Variants in LRMDA observed in about 807,000 individuals in gnomAD.
The protein encoded by LRMDA is leucine rich melanocyte differentiation associated, also known as leucine-rich melanocyte differentiation-associated protein.
A neutral mutation model predicts 29.8 loss-of-function variants in LRMDA; 18 were observed. The observed-to-expected ratio is 0.60, with a 90% CI of 0.42 to 0.90. The LOEUF (loss-of-function observed/expected upper bound fraction) is 0.90. Ranked by LOEUF, LRMDA falls within the 40% of genes least tolerant of loss-of-function variation. The pLI is 0.00. For synonymous variants in LRMDA, 125 were observed against 109.4 expected (o/e 1.14, Z -0.89); for missense variants, 273 against 273.9 (o/e 1.00, Z 0.02).
At chr10:75,717,281 TG>T (rs146542959) in intron 2 of LRMDA, among the ~76,000 whole-genome samples, 3,009 of 152,318 alleles carry the variant, frequency 0.02, 93 homozygotes, top group African/African-American at 0.068. Flanking sequence ...ATTGTAAATC[TG>T]CAGTCATACC....
intron 5 of LRMDA, among the ~76,000 whole-genome samples, chr10:76,205,379 G>C (rs1266867233): frequency 1.3e-5 from 2 of 152,144 alleles, no homozygotes; most frequent in Admixed American, 1.3e-4. Context: ...AATTTTGTTT[G>C]ATCCCAAGTT....
intron 2 of LRMDA, among the ~76,000 whole-genome samples, chr10:75,846,177 T>TTGTGTGTGTGTGTGTGTGTG (rs59549881): frequency 2.8e-5 from 4 of 143,072 alleles, no homozygotes; most frequent in Non-Finnish European, 4.5e-5. Flanking sequence ...GTGTGTGTGT[T>TTGTGTGTGTGTGTGTGTGTG]TGTGTGTGTG....
chr10:76,427,084 C>T lies in LRMDA; in HGVS notation c.601+102599C>T, dbSNP rs76359636. ...TTGGCTTAGGATTGACTTGGCGATG[C>T]GGACTCTTTTTTGGTTCCATATGAA... On this transcript the variant is annotated intron_variant, in intron 6 of 6. Transcript: ENST00000611255. Among the ~76,000 whole-genome samples the T allele has an allele frequency of 7.2e-3, 1,101 of 152,208 alleles. 22 individuals are homozygous for T. Among genetic ancestry groups the T allele is most frequent in the East Asian group, 0.046 (236 of 5,160 alleles).
chr10:76,266,844 G>A (rs1379295598), intron 5 of LRMDA, among the ~76,000 whole-genome samples: 2 of 152,090 alleles, frequency 1.3e-5, no homozygotes, highest in African/African-American at 4.8e-5. Context: ...AATTTCACAA[G>A]TTAGAATTTA....
chr10:75,855,781 A>G (rs905866839), intron 2 of LRMDA, among the ~76,000 whole-genome samples: 1 of 152,170 alleles, frequency 6.6e-6, no homozygotes, highest in African/African-American at 2.4e-5. Flanking sequence ...CTTTCTACAT[A>G]TGGCTAGCCA....
chr10:76,375,871 A>T (rs1564524369), intron 6 of LRMDA, among the ~76,000 whole-genome samples: 1 of 152,176 alleles, frequency 6.6e-6, no homozygotes, highest in Non-Finnish European at 1.5e-5. Context: ...CACTACAGAA[A>T]AGAATAGAAG....
At chr10:75,471,344 G>A (rs1844723975) in intron 2 of LRMDA, among the ~76,000 whole-genome samples, 1 of 151,684 alleles carries the variant, frequency 6.6e-6, no homozygotes, top group South Asian at 2.1e-4. Flanking sequence ...TACCCAAAGA[G>A]CCGTGTCTCA....
intron 6 of LRMDA, among the ~76,000 whole-genome samples, chr10:76,547,476 T>C (rs1398936206): frequency 6.6e-6 from 1 of 152,144 alleles, no homozygotes; most frequent in Non-Finnish European, 1.5e-5. Flanking sequence ...ATAATGGCTC[T>C]CCCTGAATAG....
intron 5 of LRMDA, among the ~76,000 whole-genome samples, chr10:76,095,959 A>G (rs899368212): frequency 6.6e-6 from 1 of 151,956 alleles, no homozygotes; most frequent in Admixed American, 6.6e-5. Context: ...AAAAAAAAAA[A>G]GTGGGTTGTT....
chr10:75,870,179 T>C (rs1478591121), intron 2 of LRMDA, among the ~76,000 whole-genome samples: 1 of 152,214 alleles, frequency 6.6e-6, no homozygotes, highest in Non-Finnish European at 1.5e-5. Flanking sequence ...TCTTGACATA[T>C]GAAAAATAGA....
intron 2 of LRMDA, among the ~76,000 whole-genome samples, chr10:75,697,493 G>A (rs1174900467): frequency 6.6e-6 from 1 of 151,538 alleles, no homozygotes; most frequent in Non-Finnish European, 1.5e-5. Flanking sequence ...CTTCCTGTTA[G>A]AGGAGCATTC....
At chr10:76,135,475 A>C (rs531877823) in intron 5 of LRMDA, among the ~76,000 whole-genome samples, 6 of 152,286 alleles carry the variant, frequency 3.9e-5, no homozygotes, top group African/African-American at 1.4e-4. Context: ...ATTCATTTTG[A>C]AAGGTTTGAA....
chr10:76,320,076 A>G (rs1840751699), intron 5 of LRMDA, among the ~76,000 whole-genome samples: 2 of 152,138 alleles, frequency 1.3e-5, no homozygotes, highest in African/African-American at 4.8e-5. Flanking sequence ...CTTGAATTTT[A>G]TGCATTTATC....
At chr10:75,838,204 C>T (rs568197964) in intron 2 of LRMDA, among the ~76,000 whole-genome samples, 30 of 152,004 alleles carry the variant, frequency 2.0e-4, no homozygotes, top group Non-Finnish European at 3.8e-4. Flanking sequence ...GTGGCTTTAT[C>T]GAATATATAA....
At chr10:75,701,270 C>T (rs1842305222) in intron 2 of LRMDA, among the ~76,000 whole-genome samples, 1 of 152,180 alleles carries the variant, frequency 6.6e-6, no homozygotes, top group South Asian at 2.1e-4. Context: ...GCAACAACTC[C>T]TCTTCCCTAC....
chr10:75,875,457 C>G (rs1845180566), intron 2 of LRMDA, among the ~76,000 whole-genome samples: 1 of 151,900 alleles, frequency 6.6e-6, no homozygotes, highest in South Asian at 2.1e-4. Flanking sequence ...TTTTGAGACG[C>G]AGATTCACTC....
chr10:75,659,202 T>C (rs924356227), intron 2 of LRMDA, among the ~76,000 whole-genome samples: 1 of 152,064 alleles, frequency 6.6e-6, no homozygotes, highest in Non-Finnish European at 1.5e-5. Context: ...TCTTAGGGAG[T>C]TCAAGAACCG....
At chr10:75,727,304 T>C (rs555072340) in intron 2 of LRMDA, among the ~76,000 whole-genome samples, 25 of 152,280 alleles carry the variant, frequency 1.6e-4, no homozygotes, top group African/African-American at 5.3e-4. Context: ...TCTGAGCGTG[T>C]GTATGTGTGT....
chr10:76,291,364 C>T (rs757259271), intron 5 of LRMDA, among the ~76,000 whole-genome samples: 14 of 152,160 alleles, frequency 9.2e-5, no homozygotes, highest in Non-Finnish European at 2.1e-4. Flanking sequence ...TTTAAAATGT[C>T]ATCTCAATCT....
Sources: gnomAD v4.1 joint callset for allele counts (sites outside exome capture counted in the v4.1 genomes callset) on GRCh38, gnomAD v4.1.1 for gene constraint, MANE v1.5 for transcripts, NCBI Gene and HGNC (gene_info 2026-07-23, HGNC 2026-07-21) for gene names.